The following DAB1 variants were observed in gnomAD, a reference collection of about 807,000 sequenced individuals.
DAB1 encodes the protein DAB adaptor protein 1, also known as disabled homolog 1.
In DAB1, 15 loss-of-function variants were observed where a neutral mutation model predicts 64.6. That is an observed-to-expected ratio of 0.23 (90% CI 0.16 to 0.36). The LOEUF is 0.36. DAB1 is among the 10% of genes least tolerant of loss of function. The probability of loss-of-function intolerance (pLI) is 1.00; values close to 1 mark genes in which losing one functional copy is unlikely to be tolerated. For synonymous variants in DAB1, 235 were observed against 251.9 expected (o/e 0.93, Z 0.64); for missense variants, 596 against 706.7 (o/e 0.84, Z 1.78).
chr1:57,363,815 T>C (rs1312488510), intron 1 of DAB1, among the ~76,000 whole-genome samples: 3 of 151,722 alleles, frequency 2.0e-5, no homozygotes, highest in African/African-American at 4.9e-5. Context: ...TCAGCTGATA[T>C]TTGTTTGTGG....
intron 2 of DAB1, among the ~76,000 whole-genome samples, chr1:57,238,934 C>T (rs546723490): frequency 6.6e-6 from 1 of 151,316 alleles, no homozygotes; most frequent in South Asian, 2.1e-4. Flanking sequence ...AAAGGTGAGT[C>T]CCGAATATAA....
rs200598057 is a variant in DAB1, at chr1:58,441,098, T to C, written n.257+64962A>G. Among the ~76,000 whole-genome samples the C allele has an allele frequency of 5.3e-4, 80 of 152,268 alleles. No individual in the cohort carries two copies. The East Asian group carries it at 6.9e-3, about 13-fold the overall frequency. ...GCCCCCAGAAGACTGGGCCTGCACATTGACAAAGAGCACATTGACAAAGTG... is the reference window on the plus strand; with the variant it reads ...GCCCCCAGAAGACTGGGCCTGCACACTGACAAAGAGCACATTGACAAAGTG... On this transcript the variant is annotated intron_variant and non_coding_transcript_variant, in intron 3 of 20. Coordinates refer to the DAB1 transcript ENST00000485760.
chr1:57,721,946 T>C (rs902320046), intron 6 of DAB1, among the ~76,000 whole-genome samples: 22 of 152,126 alleles, frequency 1.4e-4, no homozygotes, highest in Non-Finnish European at 4.4e-5. Flanking sequence ...ATACATAACT[T>C]GTCCAAGGCA....
chr1:57,474,813 A>G (rs1005729932), intron 7 of DAB1, among the ~76,000 whole-genome samples: 1 of 152,222 alleles, frequency 6.6e-6, no homozygotes, highest in Non-Finnish European at 1.5e-5. Context: ...AAGAAGTATT[A>G]TAATATAAAC....
At chr1:57,009,801 C>T (rs1161700753) in intron 14 of DAB1, among the ~76,000 whole-genome samples, 1 of 152,184 alleles carries the variant, frequency 6.6e-6, no homozygotes, top group Non-Finnish European at 1.5e-5. Context: ...TTCATCAGCT[C>T]CTCTTTCTTT....
chr1:57,770,708 GA>G (rs1649520887), intron 6 of DAB1, among the ~76,000 whole-genome samples: 2 of 152,196 alleles, frequency 1.3e-5, no homozygotes, highest in South Asian at 4.2e-4. Context: ...TAGTTTAAAT[GA>G]GAAAAGAATG....
chr1:58,219,104 G>A (rs1249249788), intron 4 of DAB1, among the ~76,000 whole-genome samples: 2 of 151,502 alleles, frequency 1.3e-5, no homozygotes, highest in African/African-American at 2.4e-5. Context: ...TGATATGAGC[G>A]CTAGAAGAAA....
At chr1:58,036,585 GT>G (rs1213550269) in intron 5 of DAB1, among the ~76,000 whole-genome samples, 3 of 152,180 alleles carry the variant, frequency 2.0e-5, no homozygotes, top group African/African-American at 7.2e-5. Flanking sequence ...CATAACAGTA[GT>G]ATTGCAATTC....
At chr1:57,564,249 C>T (rs1228271352) in intron 7 of DAB1, among the ~76,000 whole-genome samples, 1 of 152,164 alleles carries the variant, frequency 6.6e-6, no homozygotes, top group Non-Finnish European at 1.5e-5. Context: ...GGAAAACTAA[C>T]AAACAGAAAG....
chr1:58,118,485 TATATATATATATATATATAC>T (rs1200452315), intron 5 of DAB1, among the ~76,000 whole-genome samples: 2 of 76,690 alleles, frequency 2.6e-5, no homozygotes, highest in African/African-American at 5.8e-5. Context: ...TATATATATA[TATATATATATATATATATAC>T]ACACACACAC....
intron 3 of DAB1, among the ~76,000 whole-genome samples, chr1:58,471,228 A>C (rs1432742268): frequency 6.6e-6 from 1 of 152,188 alleles, no homozygotes; most frequent in Non-Finnish European, 1.5e-5. Context: ...TTCCTGGGCC[A>C]TGATATCTTG....
At chr1:58,237,214 T>C (rs1398020861) in intron 4 of DAB1, among the ~76,000 whole-genome samples, 3 of 152,110 alleles carry the variant, frequency 2.0e-5, no homozygotes, top group Admixed American at 6.5e-5. Context: ...AAATGTCTGC[T>C]GAATTGAATG....
chr1:57,978,686 C>G (rs1010354848), intron 5 of DAB1, among the ~76,000 whole-genome samples: 5 of 152,216 alleles, frequency 3.3e-5, no homozygotes, highest in African/African-American at 7.2e-5. Flanking sequence ...GGGCTAATAT[C>G]CAGAATCCAC....
At chr1:57,744,267 C>T (rs541877005) in intron 6 of DAB1, among the ~76,000 whole-genome samples, 1 of 152,264 alleles carries the variant, frequency 6.6e-6, no homozygotes, top group South Asian at 2.1e-4. Flanking sequence ...CAGGTTTAGC[C>T]TAAAGATACC....
At chr1:58,031,269 G>T (rs1205221668) in intron 5 of DAB1, among the ~76,000 whole-genome samples, 1 of 152,226 alleles carries the variant, frequency 6.6e-6, no homozygotes, top group Non-Finnish European at 1.5e-5. Flanking sequence ...AGGCAAGGCT[G>T]AAGTAATGCA....
rs72666105 is a variant in DAB1, at chr1:57,837,254, A to G, written n.88-10799T>C. Among the ~76,000 whole-genome samples, 450 of 152,340 alleles carry G rather than the reference A, an allele frequency of 3.0e-3. 1 individual carries two copies. The highest frequency in any genetic ancestry group is 5.0e-3 in the Non-Finnish European group (339 of 68,038). ...CACTTTCCTATTCTTAAAACCATTCAGCGGGTGCTAAGTGTTTTTCATTAT... is the reference window on the plus strand; with the variant it reads ...CACTTTCCTATTCTTAAAACCATTCGGCGGGTGCTAAGTGTTTTTCATTAT... On this transcript the variant is annotated intron_variant and non_coding_transcript_variant, in intron 1 of 1. Transcript: ENST00000477280.
intron 1 of DAB1, among the ~76,000 whole-genome samples, chr1:57,389,322 T>G (rs1339521307): frequency 6.6e-6 from 1 of 152,214 alleles, no homozygotes; most frequent in African/African-American, 2.4e-5. Flanking sequence ...CCCCATTACT[T>G]TCAGCATGAA....
intron 4 of DAB1, among the ~76,000 whole-genome samples, chr1:58,333,589 G>A (rs2100497295): frequency 6.6e-6 from 1 of 152,312 alleles, no homozygotes; most frequent in African/African-American, 2.4e-5. Flanking sequence ...GCTCACCAGG[G>A]CTAATTTGGC....
intron 3 of DAB1, among the ~76,000 whole-genome samples, chr1:58,403,767 G>A (rs367669550): frequency 4.6e-5 from 7 of 152,242 alleles, no homozygotes; most frequent in South Asian, 2.1e-4. Flanking sequence ...GTCCCATGCC[G>A]CTACCTTCCC....
Sources: gnomAD v4.1 joint callset for allele counts (sites outside exome capture counted in the v4.1 genomes callset) on GRCh38, gnomAD v4.1.1 for gene constraint, MANE v1.5 for transcripts, NCBI Gene and HGNC (gene_info 2026-07-23, HGNC 2026-07-21) for gene names.